The following NSRP1 variants were observed in gnomAD, a reference collection of about 807,000 sequenced individuals.
NSRP1 encodes nuclear speckle splicing regulatory protein 1.
NSRP1 carries 24 observed loss-of-function variants against 54.7 expected under a neutral mutation model. That is an observed-to-expected ratio of 0.44 (90% confidence interval 0.32 to 0.62). The LOEUF (loss-of-function observed/expected upper bound fraction) is 0.62. Among genes scored for constraint, NSRP1 ranks in the 20% least tolerant of loss-of-function variants. The pLI, the probability that NSRP1 is intolerant of heterozygous loss-of-function variation, is 0.06. For missense variants in NSRP1, 596 were observed against 651.2 expected (o/e 0.92, Z 0.92); for synonymous variants, 210 against 213.8 (o/e 0.98, Z 0.15).
chr17:30,150,109 C>T (rs1002741307), intron 2 of NSRP1: 8 of 152,148 alleles, frequency 5.3e-5, no homozygotes, highest in African/African-American at 1.9e-4. Flanking sequence ...TAGATGAAGT[C>T]TTGCTCTGTC....
rs988752509 is a variant in NSRP1, at chr17:30,159,452, C to T, written c.115-13090C>T. Among the ~76,000 whole-genome samples, 4 of 151,876 alleles carry T rather than the reference C, an allele frequency of 2.6e-5. No individual in the cohort carries two copies. In the East Asian group the frequency reaches 7.7e-4, roughly 29 times the overall value. On this transcript the variant is annotated intron_variant, in intron 2 of 6. Coordinates refer to ENST00000247026, the MANE Select transcript of NSRP1 (RefSeq NM_032141.4). ...GACTTCCTCTTTTCCAGTTTGGATG[C>T]TTTTAATTTCCTTCTCTTACCTGAT...
intron 2 of NSRP1, among the ~76,000 whole-genome samples, chr17:30,166,655 G>C (rs1248830837): frequency 6.6e-6 from 1 of 152,172 alleles, no homozygotes; most frequent in Non-Finnish European, 1.5e-5. Context: ...AGGTGCAGTG[G>C]CTCATGCCTA....
chr17:30,162,527 A>C (rs1316406624), intron 2 of NSRP1, among the ~76,000 whole-genome samples: 1 of 152,220 alleles, frequency 6.6e-6, no homozygotes, highest in African/African-American at 2.4e-5. Context: ...AAAAGTAAAA[A>C]AGAACAGGAA....
chr17:30,153,117 G>T (rs954284342), intron 2 of NSRP1, among the ~76,000 whole-genome samples: 1 of 151,562 alleles, frequency 6.6e-6, no homozygotes, highest in Non-Finnish European at 1.5e-5. Flanking sequence ...GAGTTTTGCC[G>T]TGTTGGCCAG....
At chr17:30,182,949 T>A (rs1905365308) in intron 6 of NSRP1, among the ~76,000 whole-genome samples, 1 of 151,606 alleles carries the variant, frequency 6.6e-6, no homozygotes, top group South Asian at 2.1e-4. Context: ...ATAATAATAA[T>A]AAATAAATAA....
intron 2 of NSRP1, among the ~76,000 whole-genome samples, chr17:30,128,855 G>T (rs1264687523): frequency 6.6e-6 from 1 of 150,950 alleles, no homozygotes; most frequent in Middle Eastern, 3.2e-3. Flanking sequence ...AAGGAAAAAA[G>T]ACAATAAAGC....
chr17:30,126,611 CAG>C (rs772691605), intron 2 of NSRP1, among the ~76,000 whole-genome samples: 5 of 151,594 alleles, frequency 3.3e-5, no homozygotes, highest in African/African-American at 9.7e-5. Flanking sequence ...TTTTTTGAAA[CAG>C]AGTCTTGTTC....
chr17:30,148,135 C>T (rs2071874557), intron 2 of NSRP1, among the ~76,000 whole-genome samples: 1 of 152,132 alleles, frequency 6.6e-6, no homozygotes. Flanking sequence ...TTATAAATCA[C>T]AAATAGGTAC....
chr17:30,156,865 T>C (rs898509140), intron 2 of NSRP1, among the ~76,000 whole-genome samples: 2 of 152,166 alleles, frequency 1.3e-5, no homozygotes, highest in African/African-American at 2.4e-5. Flanking sequence ...TGTGTAAATA[T>C]GCCACATTTT....
chr17:30,176,532 C>G (rs1231862170), intron 3 of NSRP1, among the ~76,000 whole-genome samples: 1 of 151,770 alleles, frequency 6.6e-6, no homozygotes, highest in Non-Finnish European at 1.5e-5. Flanking sequence ...ATCGCTTGAA[C>G]CCAGGAGGCG....
At chr17:30,143,105 T>A (rs568941896) in intron 2 of NSRP1, among the ~76,000 whole-genome samples, 1 of 152,326 alleles carries the variant, frequency 6.6e-6, no homozygotes, top group South Asian at 2.1e-4. Flanking sequence ...ACTGACAGGC[T>A]TTGATATTAC....
chr17:30,163,193 G>GTA (rs1223274649), intron 2 of NSRP1: 11 of 15,730 alleles, frequency 7.0e-4, no homozygotes, highest in African/African-American at 1.7e-3. Context: ...CTAATTTTGT[G>GTA]TGTGTGTGTG....
At chr17:30,167,050 C>T (rs1294626747) in intron 2 of NSRP1, among the ~76,000 whole-genome samples, 8 of 152,152 alleles carry the variant, frequency 5.3e-5, no homozygotes, top group African/African-American at 1.9e-4. Flanking sequence ...CTCACTTACC[C>T]TTCCCAGTCT....
At chr17:30,135,415 A>G (rs2071740660) in intron 2 of NSRP1, among the ~76,000 whole-genome samples, 1 of 151,870 alleles carries the variant, frequency 6.6e-6, no homozygotes, top group Admixed American at 6.6e-5. Flanking sequence ...GTGAGCCACC[A>G]TGCCTGGCGC....
At chr17:30,141,121 C>A (rs1212930733) in intron 2 of NSRP1, among the ~76,000 whole-genome samples, 1 of 152,192 alleles carries the variant, frequency 6.6e-6, no homozygotes, top group East Asian at 1.9e-4. Flanking sequence ...TGGCTAGAAT[C>A]AGCTTTTTGA....
rs560983456 is a variant in NSRP1 at position 30,126,544 on chromosome 17, G to A, written c.114+8371G>A. 7.7e-4 allele frequency among the ~76,000 whole-genome samples: 117 copies of A among 152,216 alleles called. 3 individuals are homozygous for A. In the South Asian group the frequency reaches 0.024, roughly 31 times the overall value. ...ACATACATGTCTTGTCACTGTACTA[G>A]ATAAAGTATGAGCTCTATGAGTTAG... On this transcript the variant is annotated intron_variant, in intron 2 of 6. Coordinates refer to ENST00000247026, the MANE Select transcript of NSRP1 (RefSeq NM_032141.4).
chr17:30,158,992 G>A (rs535448633), intron 2 of NSRP1, among the ~76,000 whole-genome samples: 3 of 152,258 alleles, frequency 2.0e-5, no homozygotes, highest in South Asian at 2.1e-4. Flanking sequence ...TTCTAGTTCT[G>A]TGAAAAATAT....
intron 2 of NSRP1, among the ~76,000 whole-genome samples, chr17:30,147,674 A>T (rs1158048483): frequency 6.6e-6 from 1 of 150,598 alleles, no homozygotes; most frequent in Non-Finnish European, 1.5e-5. Flanking sequence ...CATGTTAGCC[A>T]TGATGGTCTC....
chr17:30,176,259 T>C (rs1414140698), intron 3 of NSRP1, among the ~76,000 whole-genome samples: 1 of 152,180 alleles, frequency 6.6e-6, no homozygotes, highest in African/African-American at 2.4e-5. Flanking sequence ...GTAACATATC[T>C]ACTCAAGTGC....
Sources: gnomAD v4.1 joint callset for allele counts (sites outside exome capture counted in the v4.1 genomes callset) on GRCh38, gnomAD v4.1.1 for gene constraint, MANE v1.5 for transcripts, NCBI Gene and HGNC (gene_info 2026-07-23, HGNC 2026-07-21) for gene names.